ERAP1: variants seen among roughly 807,000 people sequenced by gnomAD.
ERAP1 encodes endoplasmic reticulum aminopeptidase 1.
A neutral mutation model predicts 103.7 loss-of-function variants in ERAP1; 86 were observed. The observed-to-expected ratio is 0.83, with a 90% CI of 0.70 to 0.99. The LOEUF (loss-of-function observed/expected upper bound fraction) is 0.99. ERAP1 is among the 50% of genes least tolerant of loss of function. The probability of loss-of-function intolerance (pLI) is 0.00; values close to 1 mark genes in which losing one functional copy is unlikely to be tolerated. For missense variants in ERAP1, 1,009 were observed against 1,128.4 expected (o/e 0.89, Z 1.52); for synonymous variants, 398 against 402.4 (o/e 0.99, Z 0.13).
the ERAP1 span, among the ~76,000 whole-genome samples, chr5:96,893,611 C>T: frequency 1.3e-5 from 2 of 152,190 alleles, no homozygotes; most frequent in East Asian, 1.9e-4. Context: ...CTCTGAGGCT[C>T]CATGCTCCCT....
chr5:96,811,463 G>A (rs1393143946), upstream of ERAP1, among the ~76,000 whole-genome samples: 6 of 152,202 alleles, frequency 3.9e-5, no homozygotes, highest in African/African-American at 1.4e-4. Flanking sequence ...GCCACCACAT[G>A]GAAAAAGCCT....
At chr5:96,885,936 G>A in the ERAP1 span, among the ~76,000 whole-genome samples, 1 of 152,210 alleles carries the variant, frequency 6.6e-6, no homozygotes, top group African/African-American at 2.4e-5. Context: ...ATGGACAGAA[G>A]CTTAAATTAC....
rs767212687 is a variant in ERAP1, at chr5:96,793,909, C to T, written c.968G>A (p.Gly323Glu). 49 of 1,614,036 alleles carry T rather than the reference C, an allele frequency of 3.0e-5. 1 individual carries two copies. The South Asian group carries it at 5.2e-4, about 17-fold the overall frequency. ...AGCAGATTCTCTATATGTTGTCAGTCCCCAGTTTTCCATAGCACCAGACTG... is the reference window on the plus strand; with the variant it reads ...AGCAGATTCTCTATATGTTGTCAGTTCCCAGTTTTCCATAGCACCAGACTG... ...DFQSGAMENW[G>E]LTTYRESALL... is the part of the protein sequence containing the mutation. Residue 323 changes from glycine to glutamate, a missense_variant, in exon 6 of 19, where the codon GGA becomes GAA. Coordinates refer to ENST00000443439, the MANE Select transcript of ERAP1 (RefSeq NM_001040458.3).
At chr5:96,875,450 C>G in the ERAP1 span, among the ~76,000 whole-genome samples, 36 of 151,130 alleles carry the variant, frequency 2.4e-4, no homozygotes, top group Non-Finnish European at 4.0e-4. Context: ...GTGGGAGGAT[C>G]ATTTGAGCTC....
rs1438590628 is a variant in ERAP1, at chr5:96,803,846, G to A, written c.81C>T (p.Ser27=). Residue 27 remains serine (S), a synonymous_variant, in exon 2 of 19, where the codon TCC becomes TCT. Coordinates refer to ENST00000443439, the MANE Select transcript of ERAP1 (RefSeq NM_001040458.3). Reference sequence around the variant, plus strand: ...CAGTGCTCTGACACCATGAAGGAGTGGACACAGTTAAGAGAGCCAACAGTG... The same window carrying A: ...CAGTGCTCTGACACCATGAAGGAGTAGACACAGTTAAGAGAGCCAACAGTG... ...LSSLLALLTV[S]TPSWCQSTEA... 1.2e-6 allele frequency: 2 copies of A among 1,613,932 alleles called. No individual in the cohort carries two copies. Among genetic ancestry groups the A allele is most frequent in the Non-Finnish European group, 1.7e-6 (2 of 1,180,030 alleles).
chr5:96,856,445 G>A, the ERAP1 span, among the ~76,000 whole-genome samples: 1 of 143,904 alleles, frequency 6.9e-6, no homozygotes, highest in Non-Finnish European at 1.5e-5. Context: ...GCATTTTTGA[G>A]ATATAAGTAT....
chr5:96,820,165 A>G, the ERAP1 span, among the ~76,000 whole-genome samples: 1 of 152,214 alleles, frequency 6.6e-6, no homozygotes, highest in Non-Finnish European at 1.5e-5. Flanking sequence ...GATCTCTCAA[A>G]GTTCTAAAAA....
chr5:96,929,917 G>A, the ERAP1 span, among the ~76,000 whole-genome samples: 1 of 152,052 alleles, frequency 6.6e-6, no homozygotes, highest in Non-Finnish European at 1.5e-5. Flanking sequence ...ATAACCTTTA[G>A]TGGACATTTA....
intron 4 of ERAP1, among the ~76,000 whole-genome samples, chr5:96,796,020 A>G (rs996693952): frequency 6.6e-6 from 1 of 152,238 alleles, no homozygotes; most frequent in Admixed American, 6.5e-5. Flanking sequence ...AGATTCAGAT[A>G]AGTGGCAAAG....
chr5:96,892,248 T>C, the ERAP1 span: 1 of 1,591,206 alleles, frequency 6.3e-7, no homozygotes, highest in Non-Finnish European at 8.6e-7. Flanking sequence ...GCAAATTCTA[T>C]TTCTGGTGTG....
chr5:96,902,273 G>A, the ERAP1 span: 4 of 1,592,924 alleles, frequency 2.5e-6, 1 homozygote, highest in Middle Eastern at 3.3e-4. Flanking sequence ...CTCTGTCATA[G>A]GTACCTGTGG....
the ERAP1 span, among the ~76,000 whole-genome samples, chr5:96,884,162 C>A: frequency 6.6e-6 from 1 of 151,656 alleles, no homozygotes; most frequent in Non-Finnish European, 1.5e-5. Flanking sequence ...TTTTCCCAAG[C>A]AAAGTGATTT....
At chr5:96,773,972 T>C (rs1773371408), downstream of ERAP1, 1 of 152,072 alleles carries the variant, frequency 6.6e-6, no homozygotes, top group Non-Finnish European at 1.5e-5. Context: ...CCCCAAATAC[T>C]CTCTGAAAGT....
At chr5:96,922,450 G>A in the ERAP1 span, among the ~76,000 whole-genome samples, 1 of 152,116 alleles carries the variant, frequency 6.6e-6, no homozygotes, top group African/African-American at 2.4e-5. Flanking sequence ...GATGAGGCTT[G>A]GGGCACATAA....
In ERAP1 at chr5:96,775,158, T is replaced by C. The variant is rs1419168785; in HGVS notation, c.*1238A>G. ...GGGTATTAACTGACTTGACTTGAAC[T>C]CCGTTGGTTTACCATGTTAGTAAAC... On this transcript the variant is annotated 3_prime_UTR_variant, in exon 19 of 19. Coordinates refer to ENST00000443439, the MANE Select transcript of ERAP1 (RefSeq NM_001040458.3). 1 of 985,310 alleles carries C rather than the reference T, an allele frequency of 1.0e-6. No individual in the cohort carries two copies. Among genetic ancestry groups the C allele is most frequent in the African/African-American group, 1.7e-5 (1 of 57,156 alleles). The allele number at this position is 985,310 out of a possible 1,614,324, so 61.0% of individuals were successfully genotyped here. A position where few individuals can be genotyped will look rare whatever the true frequency, so the allele number is the denominator to read the frequency against.
chr5:96,778,985 C>T (rs1197441739), intron 18 of ERAP1, among the ~76,000 whole-genome samples: 1 of 152,172 alleles, frequency 6.6e-6, no homozygotes, highest in East Asian at 1.9e-4. Flanking sequence ...GATCTTCGCA[C>T]CTGATATTTC....
intron 18 of ERAP1, among the ~76,000 whole-genome samples, chr5:96,777,611 T>G (rs1283784612): frequency 9.3e-6 from 1 of 107,076 alleles, no homozygotes; most frequent in African/African-American, 3.3e-5. Context: ...CTCTCTACTT[T>G]AAGTTGTAGC....
the ERAP1 span, among the ~76,000 whole-genome samples, chr5:96,856,349 A>AATATATATATATATAT: frequency 8.6e-3 from 73 of 8,518 alleles, 1 homozygote; most frequent in East Asian, 0.015. Flanking sequence ...AAAAAAAAAA[A>AATATATATATATATAT]ATATATATAT....
chr5:96,866,515 CA>C, the ERAP1 span, among the ~76,000 whole-genome samples: 1 of 152,118 alleles, frequency 6.6e-6, no homozygotes, highest in Non-Finnish European at 1.5e-5. Context: ...CATGTATGCC[CA>C]ACCCGGTTGA....
Sources: gnomAD v4.1 joint callset for allele counts (sites outside exome capture counted in the v4.1 genomes callset) on GRCh38, gnomAD v4.1.1 for gene constraint, MANE v1.5 for transcripts, NCBI Gene and HGNC (gene_info 2026-07-23, HGNC 2026-07-21) for gene names.